Variants in EFHC2 observed in about 807,000 individuals in gnomAD.
EFHC2 encodes the protein EF-hand domain-containing family member C2.
Under a neutral mutation model 52.7 loss-of-function variants are expected in EFHC2, and 18 were observed. The ratio of observed to expected loss-of-function variants is 0.34; its 90% CI spans 0.24 to 0.51. The LOEUF is 0.51. Ranked by LOEUF, EFHC2 falls within the 20% of genes least tolerant of loss-of-function variation. The pLI is 0.97. For synonymous variants in EFHC2, 203 were observed against 204.1 expected (o/e 0.99, Z 0.04); for missense variants, 513 against 562.5 (o/e 0.91, Z 0.89).
At chrX:44,289,000 C>G (rs1318252571) in intron 2 of EFHC2, among the ~76,000 whole-genome samples, 3 of 111,648 alleles carry the variant, frequency 2.7e-5, no homozygotes, top group African/African-American at 9.8e-5. Flanking sequence ...TATGGCATTT[C>G]TATTACCTAG....
chrX:44,336,023 C>T (rs987937984), intron 1 of EFHC2, among the ~76,000 whole-genome samples: 20 of 112,722 alleles, frequency 1.8e-4, no homozygotes, highest in Admixed American at 3.8e-4. Context: ...AGGGGATATA[C>T]GGATGGCAAA....
At chrX:44,252,983 G>A (rs971015495) in intron 4 of EFHC2, among the ~76,000 whole-genome samples, 2 of 111,015 alleles carry the variant, frequency 1.8e-5, no homozygotes, top group Admixed American at 1.9e-4. Context: ...CACGGAGGGC[G>A]AGCTGAAGCA....
intron 14 of EFHC2, among the ~76,000 whole-genome samples, chrX:44,157,380 T>G (rs1442078880): frequency 9.0e-6 from 1 of 111,076 alleles, no homozygotes; most frequent in African/African-American, 3.3e-5. Context: ...TGGGTCAGTC[T>G]CCATTTGCCC....
intron 2 of EFHC2, among the ~76,000 whole-genome samples, chrX:44,298,860 CAAAAAA>C (rs34701706): frequency 4.4e-5 from 1 of 22,713 alleles, no homozygotes; most frequent in Non-Finnish European, 9.2e-5. Flanking sequence ...GACTCTGTCT[CAAAAAA>C]AAAAAAAAAA....
chrX:44,251,082 CA>C (rs1197162954), intron 4 of EFHC2, among the ~76,000 whole-genome samples: 1 of 103,219 alleles, frequency 9.7e-6, no homozygotes, highest in African/African-American at 3.5e-5. Flanking sequence ...ACTAAAAATA[CA>C]AAAAAATTAG....
intron 2 of EFHC2, among the ~76,000 whole-genome samples, chrX:44,279,814 T>C (rs192928971): frequency 5.0e-4 from 55 of 110,845 alleles, no homozygotes; most frequent in African/African-American, 1.8e-3. Context: ...TACCAAATTA[T>C]ATAACTCTCC....
chrX:44,339,551 C>T (rs1474156346), intron 1 of EFHC2, among the ~76,000 whole-genome samples: 1 of 110,990 alleles, frequency 9.0e-6, no homozygotes, highest in Non-Finnish European at 1.9e-5. Flanking sequence ...ATACAGGTTG[C>T]GTATCACCTA....
intron 4 of EFHC2, among the ~76,000 whole-genome samples, chrX:44,253,916 G>A (rs2037472843): frequency 8.9e-6 from 1 of 112,409 alleles, no homozygotes; most frequent in Non-Finnish European, 1.9e-5. Flanking sequence ...GCTTCCAGAG[G>A]AAGGAACAGG....
intron 1 of EFHC2, among the ~76,000 whole-genome samples, chrX:44,322,211 A>G (rs2038025447): frequency 8.9e-6 from 1 of 111,781 alleles, no homozygotes; most frequent in Admixed American, 9.5e-5. Flanking sequence ...TTCATTCTAT[A>G]CCCATAATTC....
chrX:44,182,621 G>A (rs2036844155), intron 11 of EFHC2, among the ~76,000 whole-genome samples: 1 of 112,007 alleles, frequency 8.9e-6, no homozygotes, highest in Non-Finnish European at 1.9e-5. Flanking sequence ...TACTGAACTT[G>A]AAATAAGATC....
At position 44,242,301 on chromosome X, in the gene EFHC2, C is replaced by A. The variant is rs1230789154; in HGVS notation, c.1112-12G>T. ...TGAGGTAAAGTTCTCTAGAACAAAA[C>A]AAAGGCAAACAAAACATCAATATTT... On this transcript the variant is annotated splice_polypyrimidine_tract_variant and intron_variant, in intron 7 of 14. Transcript: ENST00000420999. 17 of 1,194,213 alleles carry A rather than the reference C, an allele frequency of 1.4e-5. No homozygotes were observed. The highest frequency in any genetic ancestry group is 1.9e-5 in the Non-Finnish European group (17 of 888,409).
intron 11 of EFHC2, among the ~76,000 whole-genome samples, chrX:44,191,981 T>C (rs957477746): frequency 5.4e-5 from 6 of 111,327 alleles, no homozygotes; most frequent in African/African-American, 2.0e-4. Context: ...GCATAACCCA[T>C]TTCATCTACC....
intron 11 of EFHC2, among the ~76,000 whole-genome samples, chrX:44,214,693 G>A (rs2037130231): frequency 8.9e-6 from 1 of 112,349 alleles, no homozygotes; most frequent in Non-Finnish European, 1.9e-5. Flanking sequence ...TAGAGAAGGA[G>A]TAAGTGAAGG....
intron 12 of EFHC2, among the ~76,000 whole-genome samples, chrX:44,176,892 T>C (rs776953117): frequency 3.6e-5 from 4 of 112,219 alleles, no homozygotes; most frequent in South Asian, 3.7e-4. Context: ...AGCAGTTTTC[T>C]CTAGAGCAGC....
intron 5 of EFHC2, among the ~76,000 whole-genome samples, chrX:44,249,373 A>C (rs2037424848): frequency 9.0e-6 from 1 of 111,312 alleles, no homozygotes; most frequent in Admixed American, 9.5e-5. Context: ...TATAACATAG[A>C]GCTTTTGAAA....
intron 4 of EFHC2, among the ~76,000 whole-genome samples, chrX:44,259,804 CA>C (rs748795085): frequency 2.7e-5 from 3 of 110,380 alleles, no homozygotes; most frequent in Admixed American, 9.7e-5. Context: ...GAATCCAAAC[CA>C]AAAAAAATCC....
chrX:44,283,734 G>A (rs1413362835), intron 2 of EFHC2, among the ~76,000 whole-genome samples: 1 of 102,356 alleles, frequency 9.8e-6, no homozygotes, highest in Non-Finnish European at 2.0e-5. Flanking sequence ...CAGACCATTT[G>A]GGACAGTCTT....
chrX:44,337,826 T>C (rs1415925830), intron 1 of EFHC2, among the ~76,000 whole-genome samples: 9 of 112,341 alleles, frequency 8.0e-5, no homozygotes, highest in African/African-American at 2.9e-4. Context: ...GCAATTGGTA[T>C]TGTGTTTTGG....
At chrX:44,287,170 C>T (rs1392414890) in intron 2 of EFHC2, among the ~76,000 whole-genome samples, 3 of 108,524 alleles carry the variant, frequency 2.8e-5, no homozygotes, top group Non-Finnish European at 3.8e-5. Flanking sequence ...GCCTAGGCAA[C>T]ATAGTGAAAC....
Sources: allele counts gnomAD v4.1 joint callset (sites outside exome capture counted in the v4.1 genomes callset), GRCh38; gene constraint gnomAD v4.1.1; transcripts MANE v1.5; gene names NCBI Gene and HGNC (gene_info 2026-07-23, HGNC 2026-07-21).